NOX4: variants seen among roughly 807,000 people sequenced by gnomAD.
The protein encoded by NOX4 is kidney oxidase-1.
A neutral mutation model predicts 87.6 loss-of-function variants in NOX4; 69 were observed. The observed-to-expected ratio is 0.79, with a 90% CI of 0.65 to 0.96. The LOEUF (loss-of-function observed/expected upper bound fraction) is 0.96. Among genes scored for constraint, NOX4 ranks in the 40% least tolerant of loss-of-function variants. NOX4 has a pLI of 0.00. For synonymous variants in NOX4, 275 were observed against 238.2 expected, an observed-to-expected ratio of 1.15 and a Z score of -1.42; for missense variants, 680 against 681.5, an observed-to-expected ratio of 1.00 and a Z score of 0.02.
chr11:89,358,933 GA>G (rs772378980), intron 12 of NOX4, among the ~76,000 whole-genome samples: 25 of 144,256 alleles, frequency 1.7e-4, no homozygotes, highest in South Asian at 4.4e-4. Flanking sequence ...AAAGCCACTG[GA>G]AAAAAAAAAA....
chr11:89,515,303 A>G, the NOX4 span, among the ~76,000 whole-genome samples: 3 of 151,970 alleles, frequency 2.0e-5, no homozygotes, highest in Non-Finnish European at 2.9e-5. Flanking sequence ...AGCAGTTCTA[A>G]TAAGTATTTA....
At position 89,491,243 on chromosome 11, in the gene NOX4, C is replaced by G; in HGVS notation, c.4G>C (p.Ala2Pro). The G allele has an allele frequency of 6.2e-7, 1 of 1,612,768 alleles. No individual in the cohort carries two copies. The highest frequency in any genetic ancestry group is 8.5e-7 in the Non-Finnish European group (1 of 1,179,510). The stretch of plus-strand genomic sequence containing the variant: ...GCGAGCCAGCTCCTCCAGGACACAG[C>G]CATGCCGCCGGCCCCGCCGCGCTGC... Reference protein sequence around the residue: MAVSWRSWLANE... With the variant: MPVSWRSWLANE... The change falls in exon 1 of 18, where the codon GCT becomes CCT. Residue 2 changes from alanine to proline, a missense_variant. Coordinates refer to ENST00000263317, the MANE Select transcript of NOX4 (RefSeq NM_016931.5).
intron 2 of NOX4, among the ~76,000 whole-genome samples, chr11:89,475,988 A>G (rs1946151532): frequency 6.6e-6 from 1 of 152,108 alleles, no homozygotes; most frequent in Non-Finnish European, 1.5e-5. Context: ...ACATACTACA[A>G]TTTTAATAAA....
chr11:89,537,725 G>C, the NOX4 span, among the ~76,000 whole-genome samples: 1 of 151,852 alleles, frequency 6.6e-6, no homozygotes, highest in Non-Finnish European at 1.5e-5. Flanking sequence ...TCTTCCATTT[G>C]AAGGCCAGTT....
At chr11:89,461,793 A>C (rs1945480937) in intron 2 of NOX4, among the ~76,000 whole-genome samples, 1 of 152,128 alleles carries the variant, frequency 6.6e-6, no homozygotes, top group East Asian at 1.9e-4. Flanking sequence ...TGACCAGTAA[A>C]ATCCCACTAT....
chr11:89,365,792 T>G (rs1424682696), intron 12 of NOX4, among the ~76,000 whole-genome samples: 1 of 150,560 alleles, frequency 6.6e-6, no homozygotes, highest in Admixed American at 6.6e-5. Context: ...GATTTTCTTT[T>G]ATGTTTTATG....
chr11:89,479,914 A>T (rs950546581), intron 2 of NOX4, among the ~76,000 whole-genome samples: 1 of 152,130 alleles, frequency 6.6e-6, no homozygotes, highest in Non-Finnish European at 1.5e-5. Flanking sequence ...TCTTTCAGTC[A>T]TCCCTTGGCA....
chr11:89,518,888 A>T, the NOX4 span, among the ~76,000 whole-genome samples: 1 of 148,706 alleles, frequency 6.7e-6, no homozygotes, highest in Admixed American at 7.0e-5. Flanking sequence ...TTAAAGATCT[A>T]TCTGTGATTA....
At chr11:89,459,111 G>T (rs1234901889) in intron 2 of NOX4, among the ~76,000 whole-genome samples, 1 of 152,090 alleles carries the variant, frequency 6.6e-6, no homozygotes, top group African/African-American at 2.4e-5. Context: ...ATATACCATG[G>T]AATACTGCAC....
the NOX4 span, among the ~76,000 whole-genome samples, chr11:89,526,681 C>T: frequency 6.6e-6 from 1 of 152,116 alleles, no homozygotes. Context: ...CTTCTCTTTC[C>T]TGCTGCCTTG....
intron 11 of NOX4, among the ~76,000 whole-genome samples, chr11:89,381,310 GC>G (rs1435556906): frequency 6.6e-6 from 1 of 152,078 alleles, no homozygotes; most frequent in East Asian, 1.9e-4. Context: ...TTTGTGTCAG[GC>G]CTCCGAGCCC....
At chr11:89,452,331 T>C (rs1203067093) in intron 2 of NOX4, among the ~76,000 whole-genome samples, 1 of 152,152 alleles carries the variant, frequency 6.6e-6, no homozygotes, top group Non-Finnish European at 1.5e-5. Flanking sequence ...TGGAACACTC[T>C]CAGTCTCCAC....
intron 12 of NOX4, among the ~76,000 whole-genome samples, chr11:89,365,753 C>CAAAAA (rs1213376592): frequency 0.015 from 847 of 56,516 alleles, 32 homozygotes; most frequent in Admixed American, 0.053. Flanking sequence ...ACCACGCCCA[C>CAAAAA]AAAAAAAAAA....
chr11:89,578,834 C>T, the NOX4 span, among the ~76,000 whole-genome samples: 1 of 152,106 alleles, frequency 6.6e-6, no homozygotes, highest in Non-Finnish European at 1.5e-5. Flanking sequence ...AAACTATGCC[C>T]ATACAAGGAA....
At chr11:89,477,101 T>C (rs1946197241) in intron 2 of NOX4, among the ~76,000 whole-genome samples, 1 of 152,146 alleles carries the variant, frequency 6.6e-6, no homozygotes, top group Admixed American at 6.6e-5. Flanking sequence ...GCATTACATT[T>C]ATTGTGCACT....
intron 13 of NOX4, among the ~76,000 whole-genome samples, chr11:89,346,137 T>A (rs764066596): frequency 6.6e-6 from 1 of 152,178 alleles, no homozygotes; most frequent in Non-Finnish European, 1.5e-5. Flanking sequence ...GTACCAGTAA[T>A]GTTCAAGCTG....
intron 13 of NOX4, among the ~76,000 whole-genome samples, chr11:89,353,804 T>C (rs1937764126): frequency 1.3e-5 from 2 of 152,132 alleles, no homozygotes; most frequent in Non-Finnish European, 2.9e-5. Context: ...TAAGTAAAAA[T>C]ACAAATAGGC....
At chr11:89,344,016 T>C (rs932453638) in intron 13 of NOX4, among the ~76,000 whole-genome samples, 1 of 151,734 alleles carries the variant, frequency 6.6e-6, no homozygotes, top group African/African-American at 2.4e-5. Flanking sequence ...AGTTTCAAGC[T>C]ACATTTCTGT....
intron 7 of NOX4, among the ~76,000 whole-genome samples, chr11:89,428,326 C>G (rs1341845774): frequency 6.6e-6 from 1 of 152,134 alleles, no homozygotes; most frequent in Non-Finnish European, 1.5e-5. Context: ...AGCAAAATAA[C>G]CAGCTAACAT....
Sources: allele counts gnomAD v4.1 joint callset (sites outside exome capture counted in the v4.1 genomes callset), GRCh38; gene constraint gnomAD v4.1.1; transcripts MANE v1.5; gene names NCBI Gene and HGNC (gene_info 2026-07-23, HGNC 2026-07-21).